FAR2: variants seen among roughly 807,000 people sequenced by gnomAD.
FAR2 encodes fatty acyl-CoA reductase 2.
Under a neutral mutation model 56.0 loss-of-function variants are expected in FAR2, and 19 were observed. The ratio of observed to expected loss-of-function variants is 0.34; its 90% CI spans 0.24 to 0.50. FAR2 has a LOEUF of 0.50. FAR2 is among the 20% of genes least tolerant of loss of function. The pLI, the probability that FAR2 is intolerant of heterozygous loss-of-function variation, is 0.98. For missense variants in FAR2, 508 were observed against 642.2 expected (o/e 0.79, Z 2.26); for synonymous variants, 219 against 218.8 (o/e 1.00, Z -0.01).
intron 1 of FAR2, among the ~76,000 whole-genome samples, chr12:29,212,608 C>T (rs1947564440): frequency 6.6e-6 from 1 of 152,206 alleles, no homozygotes; most frequent in African/African-American, 2.4e-5. Flanking sequence ...GGTCCCCAGA[C>T]CTGAGTTTCC....
At chr12:29,189,322 A>G (rs893316695) in intron 1 of FAR2, among the ~76,000 whole-genome samples, 4 of 152,092 alleles carry the variant, frequency 2.6e-5, no homozygotes, top group Non-Finnish European at 2.9e-5. Context: ...TTTATTGTTC[A>G]ATTTGTTCCA....
intron 4 of FAR2, among the ~76,000 whole-genome samples, chr12:29,298,648 C>T (rs1243142116): frequency 6.6e-6 from 1 of 152,146 alleles, no homozygotes. Context: ...GGAGAAAAAG[C>T]AGGTGTATTC....
intron 1 of FAR2, among the ~76,000 whole-genome samples, chr12:29,172,403 G>A (rs751231302): frequency 1.3e-5 from 2 of 152,190 alleles, no homozygotes; most frequent in Non-Finnish European, 2.9e-5. Flanking sequence ...AAAATAAAGT[G>A]TCCTTGCAAA....
At chr12:29,257,066 A>C (rs4370971) in intron 1 of FAR2, among the ~76,000 whole-genome samples, 85,355 of 152,116 alleles carry the variant, frequency 0.56, 24,503 homozygotes, top group African/African-American at 0.67. Flanking sequence ...CCATCTGTAG[A>C]CCGAGTGCGG....
chr12:29,244,453 T>C (rs1044718176), intron 1 of FAR2, among the ~76,000 whole-genome samples: 1 of 152,196 alleles, frequency 6.6e-6, no homozygotes, highest in Non-Finnish European at 1.5e-5. Flanking sequence ...TCTTAGGAAC[T>C]GTATATCTCA....
chr12:29,151,152 T>G (rs1382581802), intron 1 of FAR2, among the ~76,000 whole-genome samples: 1 of 152,190 alleles, frequency 6.6e-6, no homozygotes, highest in African/African-American at 2.4e-5. Flanking sequence ...AATTCCTTGA[T>G]TTTGCATTAA....
chr12:29,149,292 G>C lies in FAR2; in HGVS notation c.-154G>C, dbSNP rs1949661149. 2.0e-5 allele frequency: 3 copies of C among 152,406 alleles called. No homozygotes were observed. Among genetic ancestry groups the C allele is most frequent in the Admixed American group, 2.0e-4 (3 of 15,288 alleles). 9.4% of individuals were successfully genotyped at this position (152,406 alleles called of 1,614,324 possible). ...GCCGGATATATAGAGTGTCACGTTT[G>C]GGAGCCGAAAGACTGGAGCCGTTTC... On this transcript the variant is annotated 5_prime_UTR_variant, in exon 1 of 12. Transcript: ENST00000536681.
At chr12:29,323,979 AAAG>A (rs2136817665) in intron 10 of FAR2, among the ~76,000 whole-genome samples, 1 of 152,312 alleles carries the variant, frequency 6.6e-6, no homozygotes, top group South Asian at 2.1e-4. Flanking sequence ...AACCAATGGC[AAAG>A]AAGTTAAAAA....
chr12:29,190,747 G>A (rs969623879), intron 1 of FAR2, among the ~76,000 whole-genome samples: 5 of 151,062 alleles, frequency 3.3e-5, no homozygotes, highest in Non-Finnish European at 7.4e-5. Flanking sequence ...ACAGGCATGA[G>A]CCACCGCGCC....
intron 1 of FAR2, among the ~76,000 whole-genome samples, chr12:29,177,937 G>T (rs1050063352): frequency 6.6e-6 from 1 of 152,114 alleles, no homozygotes; most frequent in Non-Finnish European, 1.5e-5. Context: ...CATGCAAAAA[G>T]AAGTAAGGAA....
intron 2 of FAR2, among the ~76,000 whole-genome samples, chr12:29,283,580 G>A (rs1948820765): frequency 6.7e-6 from 1 of 149,454 alleles, no homozygotes; most frequent in African/African-American, 2.5e-5. Flanking sequence ...TTTTGAAACT[G>A]TTTATCAAAA....
chr12:29,320,552 T>C (rs1241433588), intron 9 of FAR2, among the ~76,000 whole-genome samples: 3 of 152,168 alleles, frequency 2.0e-5, no homozygotes, highest in Admixed American at 6.5e-5. Flanking sequence ...ATCCCCACAA[T>C]AGCATCATAA....
chr12:29,287,205 A>G (rs1402174534), intron 2 of FAR2, among the ~76,000 whole-genome samples: 2 of 152,196 alleles, frequency 1.3e-5, no homozygotes, highest in East Asian at 3.9e-4. Flanking sequence ...GTCAGGACAT[A>G]GGTTTGTTTG....
intron 1 of FAR2, among the ~76,000 whole-genome samples, chr12:29,191,457 C>T (rs925683821): frequency 3.3e-5 from 5 of 152,202 alleles, no homozygotes; most frequent in Admixed American, 3.3e-4. Flanking sequence ...AAGACATCAC[C>T]ATTGAGACAG....
chr12:29,214,927 A>G (rs1484005228), intron 1 of FAR2, among the ~76,000 whole-genome samples: 2 of 152,148 alleles, frequency 1.3e-5, no homozygotes, highest in Non-Finnish European at 2.9e-5. Context: ...GTGGGTGGCT[A>G]GAGAAAGGTG....
At chr12:29,163,116 A>G (rs1305948207) in intron 1 of FAR2, among the ~76,000 whole-genome samples, 1 of 152,190 alleles carries the variant, frequency 6.6e-6, no homozygotes, top group Non-Finnish European at 1.5e-5. Flanking sequence ...CCCTTCTCAA[A>G]GTCTGAGGTT....
chr12:29,169,169 C>T (rs1428179651), intron 1 of FAR2, among the ~76,000 whole-genome samples: 3 of 152,254 alleles, frequency 2.0e-5, no homozygotes, highest in Non-Finnish European at 4.4e-5. Flanking sequence ...CCTCTCAATC[C>T]CCCCTCTAAA....
rs911371846 is a variant in FAR2 at position 29,219,628 on chromosome 12, G to GA, written c.-38-50774dup. On this transcript the variant is annotated intron_variant, in intron 1 of 11. Coordinates refer to ENST00000536681, the MANE Select transcript of FAR2 (RefSeq NM_001271783.2). ...ATGTGTTTTAACTCTGAGTAGACAAGAAAAAAAAAAGAGAAGGAACCATTG... is the reference window on the plus strand; with the variant it reads ...ATGTGTTTTAACTCTGAGTAGACAAGAAAAAAAAAAAGAGAAGGAACCATTG... 1.6e-4 allele frequency among the ~76,000 whole-genome samples: 23 copies of GA among 144,172 alleles called. No individual in the cohort carries two copies. The East Asian group carries it at 1.8e-3, about 11-fold the overall frequency. 94.6% of individuals were successfully genotyped at this position (144,172 alleles called of 152,430 possible). A position where few individuals can be genotyped will look rare whatever the true frequency, so the allele number is the denominator to read the frequency against.
At chr12:29,149,648 T>G (rs1416317168) in intron 1 of FAR2, among the ~76,000 whole-genome samples, 1 of 152,012 alleles carries the variant, frequency 6.6e-6, no homozygotes, top group African/African-American at 2.4e-5. Context: ...TTACGCGCGG[T>G]TGGCGTCGGC....
Sources: gnomAD v4.1 joint callset for allele counts (sites outside exome capture counted in the v4.1 genomes callset) on GRCh38, gnomAD v4.1.1 for gene constraint, MANE v1.5 for transcripts, NCBI Gene and HGNC (gene_info 2026-07-23, HGNC 2026-07-21) for gene names.